Variants in MAP4 observed in about 807,000 individuals in gnomAD.
MAP4 encodes the protein microtubule-associated protein 4.
MAP4 carries 76 observed loss-of-function variants against 170.2 expected under a neutral mutation model. The ratio of observed to expected loss-of-function variants is 0.45; its 90% CI spans 0.37 to 0.54. The LOEUF is 0.54. Ranked by LOEUF, MAP4 falls within the 20% of genes least tolerant of loss-of-function variation. The pLI is 0.00. For synonymous variants in MAP4, 909 were observed against 994.5 expected (o/e 0.91, Z 1.62); for missense variants, 2,506 against 2,748.0 (o/e 0.91, Z 1.97).
chr3:47,953,332 G>A (rs959187494), intron 3 of MAP4, among the ~76,000 whole-genome samples: 12 of 151,956 alleles, frequency 7.9e-5, no homozygotes, highest in Admixed American at 7.2e-4. Flanking sequence ...AGCCTAGAAT[G>A]AGCAACACAC....
intron 3 of MAP4, among the ~76,000 whole-genome samples, chr3:47,944,358 A>G (rs2100058363): frequency 6.6e-6 from 1 of 151,956 alleles, no homozygotes; most frequent in South Asian, 2.1e-4. Flanking sequence ...TTCCTTTCTC[A>G]TTCTCCACAG....
At chr3:48,020,010 T>C (rs570262681), upstream of MAP4, among the ~76,000 whole-genome samples, 4 of 152,302 alleles carry the variant, frequency 2.6e-5, no homozygotes, top group African/African-American at 9.6e-5. Context: ...AATTCTATAA[T>C]TTTTGTTTTG....
At position 47,870,794 on chromosome 3, in the gene MAP4, CCAAG is replaced by C. The variant is rs1216079483; in HGVS notation, c.6294+15_6294+18del. On this transcript the variant is annotated intron_variant, in intron 15 of 20. Transcript: ENST00000683076. ...ATGCAGGGGCCAGCATGCCAGGACC[CCAAG>C]CTCCCTGGACCCACCCGGCCTCCTC... 6.6e-7 allele frequency: 1 copy of C among 1,522,222 alleles called. No individual in the cohort carries two copies. Among genetic ancestry groups the C allele is most frequent in the Non-Finnish European group, 8.8e-7 (1 of 1,135,828 alleles). The allele number at this position is 1,522,222 out of a possible 1,614,324, so 94.3% of individuals were successfully genotyped here.
At chr3:47,870,489 C>T (rs776256114) in intron 15 of MAP4, among the ~76,000 whole-genome samples, 2 of 152,204 alleles carry the variant, frequency 1.3e-5, no homozygotes, top group Non-Finnish European at 2.9e-5. Flanking sequence ...AAGTGTCTCT[C>T]TCACTTGCAG....
chr3:48,086,783 C>G (rs1420716201), intron 1 of MAP4, among the ~76,000 whole-genome samples: 1 of 152,180 alleles, frequency 6.6e-6, no homozygotes, highest in African/African-American at 2.4e-5. Flanking sequence ...ACAATTAAAT[C>G]CAATTGTGCA....
At chr3:47,890,567 C>T (rs2098380392) in intron 10 of MAP4, among the ~76,000 whole-genome samples, 1 of 151,974 alleles carries the variant, frequency 6.6e-6, no homozygotes, top group Non-Finnish European at 1.5e-5. Context: ...GCTGATAAAC[C>T]CATTGTGAAT....
At chr3:47,952,007 G>T in intron 3 of MAP4, among the ~76,000 whole-genome samples, 2 of 144,276 alleles carry the variant, frequency 1.4e-5, no homozygotes, top group South Asian at 2.3e-4. Flanking sequence ...CCGCCACCCC[G>T]TCTGGGATGT....
Position 48,087,737 on chromosome 3 carries a change from ACG to A in MAP4, c.-20+1034_-20+1035del, listed in dbSNP as rs1334873261. On this transcript the variant is annotated intron_variant, in intron 1 of 18. Transcript: ENST00000360240. ...CACATACACACGCACGCGCACACAC[ACG>A]CACGCGCACACACACACACACACAC... Among the ~76,000 whole-genome samples, 315 of 91,730 alleles carry A rather than the reference ACG, an allele frequency of 3.4e-3. 1 individual carries two copies. Among genetic ancestry groups the A allele is most frequent in the Admixed American group, 6.2e-3 (46 of 7,432 alleles). 60.2% of individuals were successfully genotyped at this position (91,730 alleles called of 152,430 possible).
intron 1 of MAP4, among the ~76,000 whole-genome samples, chr3:48,041,091 A>G (rs1424874796): frequency 6.6e-6 from 1 of 152,220 alleles, no homozygotes; most frequent in Non-Finnish European, 1.5e-5. Context: ...AGCATAAAAA[A>G]ATACTTAAAA....
intron 1 of MAP4, among the ~76,000 whole-genome samples, chr3:48,000,334 A>C (rs1180485527): frequency 6.6e-6 from 1 of 152,036 alleles, no homozygotes; most frequent in African/African-American, 2.4e-5. Context: ...GCCTGCTTTC[A>C]AAAAGTCTAA....
intron 1 of MAP4, among the ~76,000 whole-genome samples, chr3:48,066,918 G>A (rs1461980596): frequency 7.9e-6 from 1 of 126,918 alleles, no homozygotes; most frequent in Admixed American, 1.0e-4. Context: ...TCGGCTCACT[G>A]CAAGCTCCGC....
At chr3:48,076,407 C>T (rs1335906550) in intron 1 of MAP4, among the ~76,000 whole-genome samples, 1 of 150,980 alleles carries the variant, frequency 6.6e-6, no homozygotes, top group African/African-American at 2.4e-5. Flanking sequence ...GAGGCTGAGG[C>T]AGGAGAATGG....
At chr3:47,952,010 T>C (rs1340965395) in intron 3 of MAP4, among the ~76,000 whole-genome samples, 1 of 146,258 alleles carries the variant, frequency 6.8e-6, no homozygotes, top group Non-Finnish European at 1.5e-5. Context: ...CCACCCCGTC[T>C]GGGATGTGAG....
In MAP4 at chr3:48,009,135, C is replaced by T. The variant is rs184246315; in HGVS notation, c.-20+7199G>A. ...TGTTGTTTTGAGAAGGGGTCTCACT[C>T]TGTTGCCCAGGCTGGAGTGCAGTGG... is the stretch of plus-strand genomic sequence containing the variant. On this transcript the variant is annotated intron_variant, in intron 1 of 20. Coordinates refer to ENST00000683076, the MANE Select transcript of MAP4 (RefSeq NM_001385682.1). Among the ~76,000 whole-genome samples the T allele has an allele frequency of 1.3e-4, 20 of 152,282 alleles. 1 individual carries two copies. The South Asian group carries it at 3.7e-3, about 28-fold the overall frequency.
intron 1 of MAP4, among the ~76,000 whole-genome samples, chr3:48,087,686 G>A (rs1579953440): frequency 6.6e-6 from 1 of 151,960 alleles, no homozygotes; most frequent in Non-Finnish European, 1.5e-5. Context: ...AGGGAAATGG[G>A]CGGGAGACGC....
chr3:48,036,872 C>A (rs1359098178), intron 1 of MAP4, among the ~76,000 whole-genome samples: 1 of 152,084 alleles, frequency 6.6e-6, no homozygotes, highest in African/African-American at 2.4e-5. Flanking sequence ...TGAATGTTAG[C>A]CTACAGTAAG....
chr3:47,860,306 C>T (rs931858599), intron 17 of MAP4, among the ~76,000 whole-genome samples: 5 of 152,238 alleles, frequency 3.3e-5, no homozygotes, highest in Non-Finnish European at 7.3e-5. Flanking sequence ...ACCTCCCAGG[C>T]TCAAGCCCCT....
At chr3:47,930,876 C>T (rs564157057) in intron 3 of MAP4, among the ~76,000 whole-genome samples, 3 of 147,174 alleles carry the variant, frequency 2.0e-5, no homozygotes, top group Non-Finnish European at 3.0e-5. Flanking sequence ...TTGCAGTGAG[C>T]GGAGATCACG....
intron 17 of MAP4, among the ~76,000 whole-genome samples, chr3:47,863,849 A>G (rs1375469645): frequency 6.7e-6 from 1 of 149,724 alleles, no homozygotes; most frequent in Non-Finnish European, 1.5e-5. Context: ...TGGAGCACTA[A>G]CTAGGATCCT....
Sources: allele counts gnomAD v4.1 joint callset (sites outside exome capture counted in the v4.1 genomes callset), GRCh38; gene constraint gnomAD v4.1.1; transcripts MANE v1.5; gene names NCBI Gene and HGNC (gene_info 2026-07-23, HGNC 2026-07-21).